The following NSD1 variants were observed in gnomAD, a reference collection of about 807,000 sequenced individuals.
The protein encoded by NSD1 is histone-lysine N-methyltransferase, H3 lysine-36 specific.
A neutral mutation model predicts 242.7 loss-of-function variants in NSD1; 26 were observed. That is an observed-to-expected ratio of 0.11 (90% CI 0.08 to 0.15). The LOEUF (loss-of-function observed/expected upper bound fraction) is 0.15, where lower values mean the gene tolerates loss of function less well. Ranked by LOEUF, NSD1 falls within the 10% of genes least tolerant of loss-of-function variation. The pLI, the probability that NSD1 is intolerant of heterozygous loss-of-function variation, is 1.00. For missense variants in NSD1, 2,495 were observed against 3,272.8 expected, an observed-to-expected ratio of 0.76 and a Z score of 5.80; for synonymous variants, 1,106 against 1,178.1, an observed-to-expected ratio of 0.94 and a Z score of 1.25.
Position 177,211,474 on chromosome 5 carries a change from G to A in NSD1, c.3075G>A (p.Lys1025=), listed in dbSNP as rs1763334912. ...CTAGGCGCAACTGTGGACGATCAAA[G>A]CCTTCATCCAAATTGCGAGATGCTT... The part of the protein sequence containing the change: ...CVTRRNCGRS[K]PSSKLRDAFS... The change falls in exon 5 of 23, where the codon AAG becomes AAA. Residue 1025 remains lysine (K), a synonymous_variant. Coordinates refer to ENST00000439151, the MANE Select transcript of NSD1 (RefSeq NM_022455.5). 1.2e-6 allele frequency: 2 copies of A among 1,614,132 alleles called. No homozygotes were observed. The highest frequency in any genetic ancestry group is 1.1e-5 in the South Asian group (1 of 91,080).
At chr5:177,178,393 ATTTTGTAT>A (rs1187406075) in intron 2 of NSD1, among the ~76,000 whole-genome samples, 1 of 151,868 alleles carries the variant, frequency 6.6e-6, no homozygotes, top group Non-Finnish European at 1.5e-5. Context: ...AGCCTGGCTA[ATTTTGTAT>A]TTTTAGTAGA....
At chr5:177,281,333 C>T (rs80086432) in intron 18 of NSD1, among the ~76,000 whole-genome samples, 4 of 142,058 alleles carry the variant, frequency 2.8e-5, no homozygotes, top group Admixed American at 7.0e-5. Flanking sequence ...ATTGTATAGT[C>T]TTTTTTTTTT....
Position 177,299,634 on chromosome 5 carries a change from G to A in NSD1, c.*4175G>A, listed in dbSNP as rs3088050. The A allele has an allele frequency of 0.2, 47,770 of 233,068 alleles. 6,264 individuals are homozygous for A. Among genetic ancestry groups the A allele is most frequent in the East Asian group, 0.45 (7,443 of 16,570 alleles). The allele number at this position is 233,068 out of a possible 1,614,324, so 14.4% of individuals were successfully genotyped here. Reference sequence around the variant, plus strand: ...AATTAAACTAGAAATCCACAACCTCGGAAGAAGTGTTTCGAGTTTAACATG... The same window carrying A: ...AATTAAACTAGAAATCCACAACCTCAGAAGAAGTGTTTCGAGTTTAACATG... On this transcript the variant is annotated 3_prime_UTR_variant, in exon 23 of 23. Coordinates refer to ENST00000439151, the MANE Select transcript of NSD1 (RefSeq NM_022455.5).
intron 5 of NSD1, among the ~76,000 whole-genome samples, chr5:177,220,444 A>G (rs1290737446): frequency 6.6e-6 from 1 of 151,962 alleles, no homozygotes. Context: ...TTTAAGGCTC[A>G]CTTAAATCTT....
chr5:177,271,463 T>G (rs1227726345), intron 16 of NSD1, among the ~76,000 whole-genome samples: 1 of 152,192 alleles, frequency 6.6e-6, no homozygotes, highest in African/African-American at 2.4e-5. Flanking sequence ...AATGTTAAAG[T>G]ACTCGCCTAA....
Position 177,135,070 on chromosome 5 carries a change from G to A in NSD1, c.-17-17G>A. 6.2e-7 allele frequency: 1 copy of A among 1,609,002 alleles called. No homozygotes were observed. The highest frequency in any genetic ancestry group is 1.3e-5 in the African/African-American group (1 of 74,906). On this transcript the variant is annotated splice_polypyrimidine_tract_variant and intron_variant, in intron 1 of 22. Transcript: ENST00000439151. ...GGCCTATTAACTCAGATTAATTGCT[G>A]TGCTTTTGGATTCCAGGTTGATGCC...
At position 177,265,440 on chromosome 5, in the gene NSD1, C is replaced by G. The variant is rs1471806150; in HGVS notation, c.5147-2122C>G. 6.5e-6 allele frequency: 4 copies of G among 610,876 alleles called. No homozygotes were observed. In the East Asian group the frequency reaches 1.1e-4, roughly 17 times the overall value. The allele number at this position is 610,876 out of a possible 1,614,324, so 37.8% of individuals were successfully genotyped here. A position where few individuals can be genotyped will look rare whatever the true frequency, so the allele number is the denominator to read the frequency against. ...ATGAAAAACAGTCATGATGTGCCCTCCCCATCCCCCCAGCCCAGGCCCCTA... is the reference window on the plus strand; with the variant it reads ...ATGAAAAACAGTCATGATGTGCCCTGCCCATCCCCCCAGCCCAGGCCCCTA... On this transcript the variant is annotated intron_variant, in intron 14 of 22. Transcript: ENST00000439151.
chr5:177,227,946 C>CAA (rs200769471), intron 5 of NSD1, among the ~76,000 whole-genome samples: 3 of 109,510 alleles, frequency 2.7e-5, no homozygotes, highest in African/African-American at 3.4e-5. Context: ...GAAACTCTCT[C>CAA]AAAAAAAAAA....
chr5:177,163,460 A>G (rs1758924212), intron 2 of NSD1, among the ~76,000 whole-genome samples: 1 of 152,124 alleles, frequency 6.6e-6, no homozygotes, highest in Non-Finnish European at 1.5e-5. Context: ...CTTACGTAGA[A>G]AGGCAGCTTG....
At chr5:177,213,494 G>T (rs1763521576) in intron 5 of NSD1, among the ~76,000 whole-genome samples, 1 of 152,022 alleles carries the variant, frequency 6.6e-6, no homozygotes, top group Non-Finnish European at 1.5e-5. Flanking sequence ...TTGAGACGGA[G>T]TCTCGCTCTG....
In NSD1 at chr5:177,155,585, A is replaced by G. The variant is rs576643085; in HGVS notation, c.927+19555A>G. On this transcript the variant is annotated intron_variant, in intron 2 of 22. Coordinates refer to ENST00000439151, the MANE Select transcript of NSD1 (RefSeq NM_022455.5). ...GCTTTTTTTTTTTTTTTTTTTTTAA[A>G]CCTGGATGGTTTTATTTTGCATGAA... Among the ~76,000 whole-genome samples, 61 of 145,714 alleles carry G rather than the reference A, an allele frequency of 4.2e-4. 1 individual carries two copies. The highest frequency in any genetic ancestry group is 6.5e-4 in the Non-Finnish European group (43 of 66,578).
At chr5:177,199,588 T>C (rs1762358080) in intron 3 of NSD1, among the ~76,000 whole-genome samples, 1 of 150,636 alleles carries the variant, frequency 6.6e-6, no homozygotes. Flanking sequence ...TATTTTCTTT[T>C]CTTTTCTTTT....
chr5:177,288,786 T>C (rs760024499), intron 20 of NSD1, 33 bp from the exon 21 acceptor site: 10 of 1,404,382 alleles, frequency 7.1e-6, no homozygotes, highest in Admixed American at 6.7e-5. Context: ...ATTAAAACCA[T>C]AGATATTAAT....
chr5:177,292,697 C>T (rs1043432798), intron 22 of NSD1, among the ~76,000 whole-genome samples: 2 of 152,174 alleles, frequency 1.3e-5, no homozygotes, highest in Non-Finnish European at 2.9e-5. Flanking sequence ...CTTTTTTCCT[C>T]TAAAGGAGAT....
chr5:177,190,881 A>G lies in NSD1; in HGVS notation c.928-1003A>G, dbSNP rs539425166. Among the ~76,000 whole-genome samples the G allele has an allele frequency of 1.4e-4, 20 of 147,672 alleles. No homozygotes were observed. The East Asian group carries it at 3.9e-3, about 29-fold the overall frequency. On this transcript the variant is annotated intron_variant, in intron 2 of 22. Coordinates refer to ENST00000439151, the MANE Select transcript of NSD1 (RefSeq NM_022455.5). The stretch of plus-strand genomic sequence containing the variant: ...ACGGGGTTTCACCGTGTTAGCCAGG[A>G]TGGTCTCGATTTCCTGACCTCGTGA...
At chr5:177,180,421 T>A (rs1760562427) in intron 2 of NSD1, among the ~76,000 whole-genome samples, 1 of 151,748 alleles carries the variant, frequency 6.6e-6, no homozygotes, top group Admixed American at 6.6e-5. Context: ...ACCGTTTCAA[T>A]GAATGTCATA....
intron 22 of NSD1, 86 bp from the exon 23 acceptor site, chr5:177,293,746 C>A: frequency 6.9e-7 from 1 of 1,456,422 alleles, no homozygotes; most frequent in East Asian, 2.3e-5. Flanking sequence ...GGTCATCATC[C>A]ACACCTTCGG....
Position 177,174,917 on chromosome 5 carries a change from G to T in NSD1, c.928-16967G>T, listed in dbSNP as rs186763923. 2.1e-5 allele frequency among the ~76,000 whole-genome samples: 3 copies of T among 144,454 alleles called. No homozygotes were observed. In the East Asian group the frequency reaches 6.1e-4, roughly 30 times the overall value. The allele number at this position is 144,454 out of a possible 152,430, so 94.8% of individuals were successfully genotyped here. ...GGGACAGTCTCGCTCTGTCACCCAG[G>T]CTGGAGTGCAGTGGCGCTATCTTGG... is the stretch of plus-strand genomic sequence containing the variant. On this transcript the variant is annotated intron_variant, in intron 2 of 22. Transcript: ENST00000439151.
At chr5:177,247,949 GA>G in intron 10 of NSD1, 1 of 985,410 alleles carries the variant, frequency 1.0e-6, no homozygotes, top group Non-Finnish European at 1.2e-6. Flanking sequence ...GAACAGCTCA[GA>G]AAGTTCCAGT....
Sources: gnomAD v4.1 joint callset for allele counts (sites outside exome capture counted in the v4.1 genomes callset) on GRCh38, gnomAD v4.1.1 for gene constraint, MANE v1.5 for transcripts, NCBI Gene and HGNC (gene_info 2026-07-23, HGNC 2026-07-21) for gene names.